LRP12: variants seen among roughly 807,000 people sequenced by gnomAD.
LRP12 encodes low-density lipoprotein receptor-related protein 12.
A neutral mutation model predicts 66.0 loss-of-function variants in LRP12; 14 were observed. The ratio of observed to expected loss-of-function variants is 0.21; its 90% confidence interval spans 0.14 to 0.33. The LOEUF (loss-of-function observed/expected upper bound fraction) is 0.33. Among genes scored for constraint, LRP12 ranks in the 10% least tolerant of loss-of-function variants. The pLI, the probability that LRP12 is intolerant of heterozygous loss-of-function variation, is 1.00. For missense variants in LRP12, 889 were observed against 1,053.4 expected (o/e 0.84, Z 2.16); for synonymous variants, 357 against 359.1 (o/e 0.99, Z 0.07).
intron 1 of LRP12, among the ~76,000 whole-genome samples, chr8:104,584,405 A>G (rs1455950699): frequency 6.6e-6 from 1 of 152,002 alleles, no homozygotes; most frequent in African/African-American, 2.4e-5. Context: ...AAGGAACAAC[A>G]TCTCATATCA....
At chr8:104,517,487 T>A (rs1486803443) in intron 2 of LRP12, among the ~76,000 whole-genome samples, 2 of 151,990 alleles carry the variant, frequency 1.3e-5, no homozygotes, top group African/African-American at 4.8e-5. Flanking sequence ...AAGGAAGTGA[T>A]GTGATCCAAG....
intron 3 of LRP12, among the ~76,000 whole-genome samples, chr8:104,500,091 AGC>A (rs771702818): frequency 6.6e-5 from 10 of 152,356 alleles, no homozygotes; most frequent in Middle Eastern, 3.4e-3. Context: ...ATCACTTTAT[AGC>A]CAAATACTAT....
chr8:104,533,961 G>A (rs1811361421), intron 1 of LRP12, among the ~76,000 whole-genome samples: 1 of 151,544 alleles, frequency 6.6e-6, no homozygotes, highest in African/African-American at 2.4e-5. Flanking sequence ...ATTACTTCTT[G>A]CTGTGCAATT....
At chr8:104,581,470 A>G (rs1317115625) in intron 1 of LRP12, among the ~76,000 whole-genome samples, 1 of 151,832 alleles carries the variant, frequency 6.6e-6, no homozygotes, top group Non-Finnish European at 1.5e-5. Context: ...TGTACAACAA[A>G]CCCCCATGAC....
chr8:104,552,677 T>G (rs1384198609), intron 1 of LRP12, among the ~76,000 whole-genome samples: 2 of 152,182 alleles, frequency 1.3e-5, no homozygotes, highest in Non-Finnish European at 2.9e-5. Context: ...AGCAGAGAAT[T>G]ATCCTTTTTC....
chr8:104,501,317 T>C (rs1810824680), intron 3 of LRP12, among the ~76,000 whole-genome samples: 1 of 152,146 alleles, frequency 6.6e-6, no homozygotes, highest in African/African-American at 2.4e-5. Context: ...TGAACATCTT[T>C]TCATGTGATT....
At chr8:104,587,177 G>A (rs1203790470) in intron 1 of LRP12, among the ~76,000 whole-genome samples, 2 of 152,072 alleles carry the variant, frequency 1.3e-5, no homozygotes, top group African/African-American at 4.8e-5. Flanking sequence ...TATTCTGATC[G>A]GACATCACAG....
intron 2 of LRP12, among the ~76,000 whole-genome samples, chr8:104,519,865 A>G (rs887745012): frequency 2.6e-5 from 4 of 152,036 alleles, no homozygotes; most frequent in Non-Finnish European, 4.4e-5. Flanking sequence ...ATATTTATTC[A>G]TATTATTCTA....
intron 1 of LRP12, among the ~76,000 whole-genome samples, chr8:104,563,472 CATT>C (rs374224261): frequency 9.7e-4 from 147 of 152,004 alleles, no homozygotes; most frequent in African/African-American, 2.8e-3. Flanking sequence ...CATTATATAT[CATT>C]ATTAACAAAT....
In LRP12 at chr8:104,497,506, T is replaced by C. The variant is rs748686910; in HGVS notation, c.1046A>G (p.Gln349Arg). The C allele has an allele frequency of 6.2e-7, 1 of 1,614,112 alleles. No homozygotes were observed. Among genetic ancestry groups the C allele is most frequent in the Admixed American group, 1.7e-5 (1 of 60,024 alleles). The change falls in exon 5 of 7, where the codon CAG becomes CGG. Residue 349 changes from glutamine to arginine, a missense_variant. By Grantham distance (43) the Gln-to-Arg change is conservative. Around this residue, in one of 3 missense-constraint regions of LRP12, gnomAD observed 800 missense variants for 964.5 expected, o/e 0.83. Transcript: ENST00000276654. The surrounding 1 kb of genome is among the most constrained non-coding windows in gnomAD (Gnocchi z 4.3). ...APLTVVSSSG[Q>R]IRVHFCADKV... Reference sequence around the variant, plus strand: ...ATCAGCACAAAAATGTACCCTTATCTGTCCAGAAGAAGAAACAACTGTAAG... The same window carrying C: ...ATCAGCACAAAAATGTACCCTTATCCGTCCAGAAGAAGAAACAACTGTAAG...
intron 3 of LRP12, chr8:104,506,154 A>C (rs1810903113): frequency 6.6e-6 from 1 of 152,200 alleles, no homozygotes; most frequent in Non-Finnish European, 1.5e-5. Context: ...AATATTAAAA[A>C]ATATCTGATA....
At chr8:104,583,623 A>C (rs980595826) in intron 1 of LRP12, among the ~76,000 whole-genome samples, 2 of 152,196 alleles carry the variant, frequency 1.3e-5, no homozygotes, top group African/African-American at 4.8e-5. Context: ...ACAGTGCTAG[A>C]CATAAGCAAG....
chr8:104,543,817 G>A (rs1184473611), intron 1 of LRP12, among the ~76,000 whole-genome samples: 1 of 152,136 alleles, frequency 6.6e-6, no homozygotes, highest in Non-Finnish European at 1.5e-5. Flanking sequence ...AGCTACTTGG[G>A]AGGGAGAGGC....
intron 1 of LRP12, among the ~76,000 whole-genome samples, chr8:104,581,068 C>T (rs1461411477): frequency 6.6e-6 from 1 of 152,074 alleles, no homozygotes; most frequent in Non-Finnish European, 1.5e-5. Flanking sequence ...ATAAAGAAAA[C>T]GTGGTACACA....
intron 1 of LRP12, among the ~76,000 whole-genome samples, chr8:104,574,711 CAT>C (rs1276245731): frequency 3.7e-4 from 56 of 152,312 alleles, no homozygotes; most frequent in Non-Finnish European, 6.9e-4. Flanking sequence ...GCATGAAAAA[CAT>C]AATGTAGAGC....
At chr8:104,514,545 TAAAA>T (rs565370904) in intron 2 of LRP12, among the ~76,000 whole-genome samples, 2 of 128,752 alleles carry the variant, frequency 1.6e-5, no homozygotes, top group African/African-American at 2.9e-5. Context: ...CGTCTCTACT[TAAAA>T]AAAAAAAAAA....
In LRP12 at chr8:104,489,907, C is replaced by A. The variant is rs920312039; in HGVS notation, c.*766G>T. ...ATTTTTGTACATGTTTTATAAAGTT[C>A]AAGATTTAATGCATAGTAGAATATC... On this transcript the variant is annotated 3_prime_UTR_variant, in exon 7 of 7. Transcript: ENST00000276654. 4 of 152,500 alleles carry A rather than the reference C, an allele frequency of 2.6e-5. No individual in the cohort carries two copies. Among genetic ancestry groups the A allele is most frequent in the Admixed American group, 1.3e-4 (2 of 15,270 alleles). 9.4% of individuals were successfully genotyped at this position (152,500 alleles called of 1,614,324 possible).
chr8:104,490,336 C>A lies in LRP12; in HGVS notation c.*337G>T. On this transcript the variant is annotated 3_prime_UTR_variant, in exon 7 of 7. Coordinates refer to ENST00000276654, the MANE Select transcript of LRP12 (RefSeq NM_013437.5). ...AAGGTATTATTTTGTAAAAACAAACCATTTAACATAGGATAGATAAAAATG... is the reference window on the plus strand; with the variant it reads ...AAGGTATTATTTTGTAAAAACAAACAATTTAACATAGGATAGATAAAAATG... 1 of 184,996 alleles carries A rather than the reference C, an allele frequency of 5.4e-6. No individual in the cohort carries two copies. The highest frequency in any genetic ancestry group is 5.6e-5 in the Admixed American group (1 of 17,752). 11.5% of individuals were successfully genotyped at this position (184,996 alleles called of 1,614,324 possible).
intron 1 of LRP12, among the ~76,000 whole-genome samples, chr8:104,541,578 C>T (rs764319285): frequency 2.6e-5 from 4 of 152,150 alleles, no homozygotes; most frequent in Admixed American, 6.6e-5. Flanking sequence ...GGAAGTTGTA[C>T]AACCATCACC....
Sources: allele counts gnomAD v4.1 joint callset (sites outside exome capture counted in the v4.1 genomes callset), GRCh38; gene constraint gnomAD v4.1.1; regional missense constraint gnomAD v4.1.1; non-coding constraint Gnocchi (gnomAD v3.1); transcripts MANE v1.5; gene names NCBI Gene and HGNC (gene_info 2026-07-23, HGNC 2026-07-21).